The following ARID1B variants were observed in gnomAD, a reference collection of about 807,000 sequenced individuals.
ARID1B encodes the protein AT-rich interactive domain-containing protein 1B.
ARID1B carries 30 observed loss-of-function variants against 212.3 expected under a neutral mutation model. The observed-to-expected ratio is 0.14, with a 90% CI of 0.11 to 0.19. The LOEUF is 0.19. Among genes scored for constraint, ARID1B ranks in the 10% least tolerant of loss-of-function variants. The pLI, the probability that ARID1B is intolerant of heterozygous loss-of-function variation, is 1.00. For missense variants in ARID1B, 2,891 were observed against 3,204.0 expected (o/e 0.90, Z 2.36); for synonymous variants, 1,402 against 1,301.7 (o/e 1.08, Z -1.66).
chr6:157,060,767 T>G (rs1783294594), intron 4 of ARID1B, among the ~76,000 whole-genome samples: 1 of 151,712 alleles, frequency 6.6e-6, no homozygotes, highest in Admixed American at 6.6e-5. Context: ...CTTTACACAT[T>G]TTTGATTCAG....
chr6:157,093,250 C>G (rs1291254930), intron 5 of ARID1B, among the ~76,000 whole-genome samples: 1 of 152,186 alleles, frequency 6.6e-6, no homozygotes, highest in African/African-American at 2.4e-5. Context: ...TCACAAACTT[C>G]TGGTATATCA....
chr6:156,994,412 T>G (rs1583101792), intron 4 of ARID1B, among the ~76,000 whole-genome samples: 1 of 152,262 alleles, frequency 6.6e-6, no homozygotes, highest in African/African-American at 2.4e-5. Context: ...GCCCTCTGAT[T>G]GTTTCCGGAT....
intron 3 of ARID1B, among the ~76,000 whole-genome samples, chr6:156,927,531 G>A (rs749737050): frequency 2.0e-5 from 3 of 152,076 alleles, no homozygotes; most frequent in African/African-American, 4.8e-5. Flanking sequence ...CCCGCTTCTG[G>A]TGGCATTATT....
intron 2 of ARID1B, among the ~76,000 whole-genome samples, chr6:156,868,952 G>A (rs752207833): frequency 3.3e-5 from 5 of 152,126 alleles, no homozygotes; most frequent in Non-Finnish European, 5.9e-5. Context: ...GACCAAGTAC[G>A]AATAGGGTTT....
At chr6:157,153,814 CTT>C (rs1790369032) in intron 8 of ARID1B, among the ~76,000 whole-genome samples, 1 of 152,040 alleles carries the variant, frequency 6.6e-6, no homozygotes, top group Non-Finnish European at 1.5e-5. Context: ...TTTATCTTTA[CTT>C]TTTTGTAGAG....
At chr6:157,189,960 T>C (rs1793239308) in intron 14 of ARID1B, 78 bp from the exon 15 acceptor site, 4 of 1,585,296 alleles carry the variant, frequency 2.5e-6, no homozygotes, top group Non-Finnish European at 3.4e-6. Context: ...CATTTCAAGA[T>C]GGGTTCATCT....
At chr6:156,897,881 TATA>T (rs1788614817) in intron 2 of ARID1B, among the ~76,000 whole-genome samples, 2 of 152,322 alleles carry the variant, frequency 1.3e-5, no homozygotes, top group South Asian at 2.1e-4. Flanking sequence ...AAATTTTTCA[TATA>T]ATAATAGCTT....
intron 1 of ARID1B, among the ~76,000 whole-genome samples, chr6:156,783,843 G>A (rs779905147): frequency 2.0e-5 from 3 of 152,150 alleles, no homozygotes; most frequent in Non-Finnish European, 2.9e-5. Context: ...CTCAGCTCAT[G>A]GGGTTGTGTG....
chr6:157,197,714 GT>G (rs934568198), intron 16 of ARID1B, among the ~76,000 whole-genome samples: 2 of 152,116 alleles, frequency 1.3e-5, no homozygotes, highest in African/African-American at 2.4e-5. Flanking sequence ...AGCTACAGAT[GT>G]TTTTTTGGGG....
intron 2 of ARID1B, among the ~76,000 whole-genome samples, chr6:156,890,097 G>A (rs879387434): frequency 6.6e-6 from 1 of 152,164 alleles, no homozygotes. Flanking sequence ...GGAAATAAAG[G>A]CTGTTCAGGA....
intron 5 of ARID1B, among the ~76,000 whole-genome samples, chr6:157,098,243 G>A (rs1367795628): frequency 3.3e-5 from 5 of 152,334 alleles, no homozygotes; most frequent in Non-Finnish European, 7.3e-5. Flanking sequence ...GAGGATTCGA[G>A]AGAATGGAGC....
At chr6:157,052,277 T>G (rs1782660278) in intron 4 of ARID1B, among the ~76,000 whole-genome samples, 1 of 152,238 alleles carries the variant, frequency 6.6e-6, no homozygotes, top group African/African-American at 2.4e-5. Context: ...CTGTGTGACT[T>G]ATCTCATATA....
At chr6:156,991,143 T>C (rs944917756) in intron 4 of ARID1B, among the ~76,000 whole-genome samples, 10 of 152,222 alleles carry the variant, frequency 6.6e-5, no homozygotes, top group African/African-American at 2.4e-4. Context: ...CAGAGACAGT[T>C]TCAACCCTGG....
rs1794828173 is a variant in ARID1B at position 156,967,211 on chromosome 6, T to A, written c.2247+31635T>A. On this transcript the variant is annotated intron_variant, in intron 4 of 19. Transcript: ENST00000636930. ...TTACTGTCTTTCAAAATGTACCTTA[T>A]ATTTGAACATTGGAAGATACGTGTT... Among the ~76,000 whole-genome samples, 3 of 152,354 alleles carry A rather than the reference T, an allele frequency of 2.0e-5. No homozygotes were observed. In the South Asian group the frequency reaches 6.2e-4, roughly 32 times the overall value.
At chr6:157,192,319 C>T (rs1046657810) in intron 15 of ARID1B, among the ~76,000 whole-genome samples, 4 of 152,092 alleles carry the variant, frequency 2.6e-5, no homozygotes, top group Non-Finnish European at 5.9e-5. Flanking sequence ...CATATCCCAC[C>T]GATACACCAC....
intron 1 of ARID1B, among the ~76,000 whole-genome samples, chr6:156,797,165 T>A (rs977305867): frequency 3.3e-5 from 5 of 151,918 alleles, no homozygotes; most frequent in Non-Finnish European, 7.4e-5. Context: ...TGTGGCAGAG[T>A]GTTCTAGGGG....
intron 2 of ARID1B, among the ~76,000 whole-genome samples, chr6:156,856,897 G>GTTGA (rs1784991910): frequency 6.6e-6 from 1 of 151,846 alleles, no homozygotes; most frequent in Non-Finnish European, 1.5e-5. Context: ...TGGACCGTTG[G>GTTGA]GAGCTTGACG....
At chr6:156,998,710 A>G (rs930090052) in intron 4 of ARID1B, among the ~76,000 whole-genome samples, 1 of 152,182 alleles carries the variant, frequency 6.6e-6, no homozygotes, top group African/African-American at 2.4e-5. Context: ...AAGCAACACC[A>G]CACATGAAAG....
intron 4 of ARID1B, among the ~76,000 whole-genome samples, chr6:156,965,759 T>G (rs1794700426): frequency 1.3e-5 from 2 of 152,208 alleles, no homozygotes; most frequent in African/African-American, 4.8e-5. Flanking sequence ...ACAATAAGAT[T>G]TTTTTATTGT....
Sources: gnomAD v4.1 joint callset for allele counts (sites outside exome capture counted in the v4.1 genomes callset) on GRCh38, gnomAD v4.1.1 for gene constraint, MANE v1.5 for transcripts, NCBI Gene and HGNC (gene_info 2026-07-23, HGNC 2026-07-21) for gene names.